Variants in TTC12 observed in about 807,000 individuals in gnomAD.
TTC12 encodes the protein tetratricopeptide repeat domain 12.
Under a neutral mutation model 90.1 loss-of-function variants are expected in TTC12, and 70 were observed. The ratio of observed to expected loss-of-function variants is 0.78; its 90% CI spans 0.64 to 0.95. The LOEUF is 0.95. TTC12 is among the 40% of genes least tolerant of loss of function. The pLI, the probability that TTC12 is intolerant of heterozygous loss-of-function variation, is 0.00. For missense variants in TTC12, 819 were observed against 846.1 expected (o/e 0.97, Z 0.40); for synonymous variants, 296 against 311.5 (o/e 0.95, Z 0.53).
intron 14 of TTC12, 78 bp downstream of exon 14, chr11:113,350,243 ATT>A: frequency 8.6e-7 from 1 of 1,168,636 alleles, no homozygotes; most frequent in Non-Finnish European, 1.3e-6. Flanking sequence ...AATGTGCTGT[ATT>A]CAGAGAGGCT....
At chr11:113,360,492 T>C (rs1365046256) in intron 18 of TTC12, among the ~76,000 whole-genome samples, 7 of 152,264 alleles carry the variant, frequency 4.6e-5, no homozygotes, top group Admixed American at 2.0e-4. Context: ...CTTTTTAAAA[T>C]ATATGCTGAA....
intron 1 of TTC12, 62 bp from the exon 2 acceptor site, chr11:113,316,181 G>C (rs1555135434): frequency 1.3e-6 from 1 of 781,990 alleles, no homozygotes; most frequent in Non-Finnish European, 1.9e-6. Context: ...AGGCTAATAA[G>C]CCTGACCGTT....
rs1296773100 is a variant in TTC12, at chr11:113,335,133, T to C, written c.576+96T>C. 19 of 898,328 alleles carry C rather than the reference T, an allele frequency of 2.1e-5. No individual in the cohort carries two copies. The Admixed American group carries it at 3.7e-4, about 18-fold the overall frequency. The allele number at this position is 898,328 out of a possible 1,614,324, so 55.6% of individuals were successfully genotyped here. A position where few individuals can be genotyped will look rare whatever the true frequency, so the allele number is the denominator to read the frequency against. On this transcript the variant is annotated intron_variant, in intron 8 of 21. Transcript: ENST00000529221. ...ACCATGATTCTCCAAGCTGATTAGGTATTAATCCATCCTTTAGTATTTTCC... is the reference window on the plus strand; with the variant it reads ...ACCATGATTCTCCAAGCTGATTAGGCATTAATCCATCCTTTAGTATTTTCC...
In TTC12 at chr11:113,329,931, A is replaced by C. The variant is rs782528054; in HGVS notation, c.456A>C (p.Lys152Asn). The C allele has an allele frequency of 6.2e-7, 1 of 1,613,624 alleles. No homozygotes were observed. Among genetic ancestry groups the C allele is most frequent in the Non-Finnish European group, 8.5e-7 (1 of 1,179,622 alleles). ...LYTNRAQAYM[K>N]LEDYEKALVD... Reference sequence around the variant, plus strand: ...TGGTTTCATTACAGGCTTATATGAAACTTGAGGACTATGAGAAGGCACTGG... The same window carrying C: ...TGGTTTCATTACAGGCTTATATGAACCTTGAGGACTATGAGAAGGCACTGG... The change falls in exon 7 of 22, where the codon AAA becomes AAC. Residue 152 changes from lysine to asparagine, a missense_variant. Lys to Asn is a moderately conservative substitution (Grantham distance 94, BLOSUM62 0). Coordinates refer to ENST00000529221, the MANE Select transcript of TTC12 (RefSeq NM_017868.4).
downstream of TTC12, chr11:113,368,303 T>G: frequency 1.3e-6 from 2 of 1,541,418 alleles, no homozygotes; most frequent in Non-Finnish European, 1.7e-6. Context: ...CTCTCCAGTG[T>G]GGATCCACCC....
At chr11:113,332,436 G>A (rs1459149805) in intron 7 of TTC12, among the ~76,000 whole-genome samples, 2 of 152,226 alleles carry the variant, frequency 1.3e-5, no homozygotes, top group African/African-American at 2.4e-5. Flanking sequence ...TCCCCCGCCT[G>A]CTGTAACCCC....
intron 13 of TTC12, among the ~76,000 whole-genome samples, chr11:113,347,681 T>A (rs762120905): frequency 6.6e-6 from 1 of 152,204 alleles, no homozygotes; most frequent in Non-Finnish European, 1.5e-5. Context: ...AATACTGATA[T>A]ATTCCAGGTT....
chr11:113,354,119 G>A (rs1949480824), intron 16 of TTC12, among the ~76,000 whole-genome samples: 1 of 152,100 alleles, frequency 6.6e-6, no homozygotes, highest in African/African-American at 2.4e-5. Context: ...CCATTTGTTT[G>A]TGTTATCTCT....
At chr11:113,364,716 C>A (rs2138086243) in intron 20 of TTC12, 119 bp from the exon 21 acceptor site, 1 of 741,474 alleles carries the variant, frequency 1.3e-6, no homozygotes, top group Non-Finnish European at 2.3e-6. Context: ...AGTTCTGCTG[C>A]AGAGTTACTG....
At chr11:113,316,202 C>G in intron 1 of TTC12, 41 bp from the exon 2 acceptor site, 1 of 1,031,652 alleles carries the variant, frequency 9.7e-7, no homozygotes, top group Non-Finnish European at 1.3e-6. Flanking sequence ...CTGTTTAGTG[C>G]TTTATTATTA....
chr11:113,368,347 A>C, downstream of TTC12: 1 of 1,547,346 alleles, frequency 6.5e-7, no homozygotes, highest in South Asian at 1.2e-5. Flanking sequence ...CCCCTAACAC[A>C]TGCTACCATG....
downstream of TTC12, chr11:113,368,725 G>C (rs1185892548): frequency 1.8e-6 from 1 of 558,920 alleles, no homozygotes; most frequent in Non-Finnish European, 3.2e-6. Flanking sequence ...GGCTGCTATT[G>C]TAAACACTTT....
At chr11:113,371,850 ACTT>A (rs1420410315) in intron 21 of TTC12, among the ~76,000 whole-genome samples, 1 of 152,110 alleles carries the variant, frequency 6.6e-6, no homozygotes, top group African/African-American at 2.4e-5. Flanking sequence ...TATGATACCC[ACTT>A]CTTAGGTTTG....
rs1555150510 is a variant in TTC12, at chr11:113,352,094, T to C, written c.1333T>C (p.Ser445Pro). 1.2e-6 allele frequency: 2 copies of C among 1,614,036 alleles called. No homozygotes were observed. Among genetic ancestry groups the C allele is most frequent in the South Asian group, 1.1e-5 (1 of 91,034 alleles). Reference sequence around the variant, plus strand: ...GAAGACAGATCCCAAGGTAAGCAGCTCCTCGGCTCTGTGCCAGTGCATTGC... The same window carrying C: ...GAAGACAGATCCCAAGGTAAGCAGCCCCTCGGCTCTGTGCCAGTGCATTGC... ...VLKTDPKVSSSSALCQCIAIM... is the reference protein window; with the variant it reads ...VLKTDPKVSSPSALCQCIAIM... Residue 445 changes from serine to proline, a missense_variant, in exon 16 of 22, where the codon TCC becomes CCC. Physicochemically the swap from Ser to Pro is moderately conservative, Grantham distance 74. Transcript: ENST00000529221.
chr11:113,356,668 T>G (rs1030827061), intron 16 of TTC12, among the ~76,000 whole-genome samples: 3 of 152,070 alleles, frequency 2.0e-5, no homozygotes, highest in Non-Finnish European at 4.4e-5. Flanking sequence ...ATTTGCTTAT[T>G]TCTCCTTTAC....
chr11:113,336,930 A>G (rs180972929), intron 8 of TTC12, among the ~76,000 whole-genome samples: 82 of 152,358 alleles, frequency 5.4e-4, no homozygotes, highest in African/African-American at 1.9e-3. Context: ...TCATAAATCA[A>G]TTTGGCAAGT....
chr11:113,364,538 G>C (rs952426558), intron 20 of TTC12: 12 of 404,050 alleles, frequency 3.0e-5, no homozygotes, highest in African/African-American at 2.2e-4. Flanking sequence ...GAGAGGTTAA[G>C]AATAGGCTTT....
Position 113,324,595 on chromosome 11 carries a change from C to T in TTC12, c.245-10C>T, listed in dbSNP as rs200987368. ...TTTCTTTTTAATATCTGAAATTACC[C>T]TGCTGTCAGAGGCCTTCTTGGCATC... On this transcript the variant is annotated splice_polypyrimidine_tract_variant and intron_variant, in intron 4 of 21. Coordinates refer to ENST00000529221, the MANE Select transcript of TTC12 (RefSeq NM_017868.4). 130 of 1,609,990 alleles carry T rather than the reference C, an allele frequency of 8.1e-5. No homozygotes were observed. Among genetic ancestry groups the T allele is most frequent in the Non-Finnish European group, 1.0e-4 (122 of 1,178,178 alleles).
intron 16 of TTC12, among the ~76,000 whole-genome samples, chr11:113,356,651 C>T (rs1949652106): frequency 6.9e-6 from 1 of 144,690 alleles, no homozygotes; most frequent in Admixed American, 6.6e-5. Flanking sequence ...TAATGAATTT[C>T]CTCACCATTT....
Sources: gnomAD v4.1 joint callset for allele counts (sites outside exome capture counted in the v4.1 genomes callset) on GRCh38, gnomAD v4.1.1 for gene constraint, MANE v1.5 for transcripts, NCBI Gene and HGNC (gene_info 2026-07-23, HGNC 2026-07-21) for gene names.